Variants in CNTNAP2 observed in about 807,000 individuals in gnomAD.
The protein encoded by CNTNAP2 is contactin-associated protein-like 2.
A neutral mutation model predicts 155.2 loss-of-function variants in CNTNAP2; 98 were observed. The ratio of observed to expected loss-of-function variants is 0.63; its 90% CI spans 0.54 to 0.75. CNTNAP2 has a LOEUF of 0.75. CNTNAP2 is among the 30% of genes least tolerant of loss of function. The pLI is 0.00. For missense variants in CNTNAP2, 1,727 were observed against 1,688.1 expected (o/e 1.02, Z -0.40); for synonymous variants, 651 against 631.2 (o/e 1.03, Z -0.47).
intron 10 of CNTNAP2, among the ~76,000 whole-genome samples, chr7:147,427,399 T>C (rs886436611): frequency 3.3e-5 from 5 of 152,054 alleles, no homozygotes; most frequent in Non-Finnish European, 7.4e-5. Context: ...TTTCAACAGA[T>C]AGAGATAAGA....
chr7:147,915,413 A>G (rs959544699), intron 14 of CNTNAP2, among the ~76,000 whole-genome samples: 2 of 152,206 alleles, frequency 1.3e-5, no homozygotes, highest in Non-Finnish European at 2.9e-5. Flanking sequence ...ATCACTTGAC[A>G]TCCCAATACT....
chr7:147,572,181 T>A (rs1290545690), intron 12 of CNTNAP2, among the ~76,000 whole-genome samples: 1 of 131,368 alleles, frequency 7.6e-6, no homozygotes, highest in Non-Finnish European at 1.7e-5. Context: ...CCTTCTGGAT[T>A]CAGCCTCATT....
At chr7:146,911,250 A>T (rs1183378988) in intron 3 of CNTNAP2, among the ~76,000 whole-genome samples, 42 of 152,184 alleles carry the variant, frequency 2.8e-4, no homozygotes, top group African/African-American at 3.6e-4. Context: ...CAGTGTGGTG[A>T]TTCCTCAGGG....
At chr7:146,182,089 G>T (rs1327569289) in intron 1 of CNTNAP2, among the ~76,000 whole-genome samples, 2 of 151,714 alleles carry the variant, frequency 1.3e-5, no homozygotes, top group African/African-American at 2.4e-5. Context: ...AAATAATGTA[G>T]AAACAATACT....
chr7:146,842,167 G>A lies in CNTNAP2; in HGVS notation c.402+2263G>A, dbSNP rs567477941. On this transcript the variant is annotated intron_variant, in intron 3 of 23. Coordinates refer to ENST00000361727, the MANE Select transcript of CNTNAP2 (RefSeq NM_014141.6). ...CTCTCAAAGTGCTGGGATTCCAGGC[G>A]TGAGCCACTGCACCTGGCCTTGGAC... Among the ~76,000 whole-genome samples the A allele has an allele frequency of 9.2e-5, 14 of 152,132 alleles. No individual in the cohort carries two copies. In the East Asian group the frequency reaches 2.3e-3, roughly 25 times the overall value.
At chr7:148,289,766 C>T (rs972410020) in intron 21 of CNTNAP2, among the ~76,000 whole-genome samples, 4 of 152,188 alleles carry the variant, frequency 2.6e-5, no homozygotes, top group South Asian at 2.1e-4. Context: ...AGTCCCTCAC[C>T]TCTTTACAGG....
chr7:146,409,266 T>G (rs185695166), intron 1 of CNTNAP2, among the ~76,000 whole-genome samples: 4 of 152,302 alleles, frequency 2.6e-5, no homozygotes, highest in African/African-American at 9.6e-5. Flanking sequence ...GCTAATAAGA[T>G]GACACCTTTT....
chr7:147,774,220 T>A (rs1223650256), intron 13 of CNTNAP2, among the ~76,000 whole-genome samples: 2 of 152,190 alleles, frequency 1.3e-5, no homozygotes, highest in East Asian at 1.9e-4. Flanking sequence ...GAGAGTAAGC[T>A]CCATGTGGAA....
At chr7:146,989,578 GTTTTC>G (rs1389791763) in intron 3 of CNTNAP2, among the ~76,000 whole-genome samples, 1 of 152,082 alleles carries the variant, frequency 6.6e-6, no homozygotes, top group Non-Finnish European at 1.5e-5. Context: ...ATCAGATCTT[GTTTTC>G]TTCATGATTT....
intron 13 of CNTNAP2, among the ~76,000 whole-genome samples, chr7:147,874,999 C>A (rs953804716): frequency 4.6e-5 from 7 of 152,178 alleles, no homozygotes; most frequent in African/African-American, 1.7e-4. Flanking sequence ...TTGTCCATAT[C>A]ACTATCAGCA....
intron 9 of CNTNAP2, among the ~76,000 whole-genome samples, chr7:147,302,943 T>G (rs564225493): frequency 2.6e-5 from 4 of 152,344 alleles, no homozygotes; most frequent in Admixed American, 1.3e-4. Context: ...GTCCCAGCTC[T>G]CTAACTTGCT....
Position 147,096,024 on chromosome 7 carries a change from C to T in CNTNAP2, c.551-12123C>T, listed in dbSNP as rs548645034. Among the ~76,000 whole-genome samples, 60 of 152,220 alleles carry T rather than the reference C, an allele frequency of 3.9e-4. No individual in the cohort carries two copies. In the South Asian group the frequency reaches 1.0e-2, roughly 25 times the overall value. ...TAACATTTGTTTTTTCTTAACCATG[C>T]TCTCTCTATTGATTTAGCATTAATC... On this transcript the variant is annotated intron_variant, in intron 4 of 23. Coordinates refer to ENST00000361727, the MANE Select transcript of CNTNAP2 (RefSeq NM_014141.6).
chr7:147,571,618 T>A (rs1208541357), intron 12 of CNTNAP2, among the ~76,000 whole-genome samples: 1 of 152,034 alleles, frequency 6.6e-6, no homozygotes, highest in African/African-American at 2.4e-5. Context: ...GTAACAATGA[T>A]CGTAGTGTCT....
intron 13 of CNTNAP2, among the ~76,000 whole-genome samples, chr7:147,882,046 G>T (rs977051555): frequency 6.6e-6 from 1 of 151,852 alleles, no homozygotes; most frequent in African/African-American, 2.4e-5. Context: ...TTCTGTTACC[G>T]AGAAGAGGTG....
chr7:146,465,030 T>G (rs1261406450), intron 1 of CNTNAP2, among the ~76,000 whole-genome samples: 1 of 152,112 alleles, frequency 6.6e-6, no homozygotes, highest in Non-Finnish European at 1.5e-5. Flanking sequence ...TTTTGTGATT[T>G]GTTCAGTTAG....
intron 1 of CNTNAP2, among the ~76,000 whole-genome samples, chr7:146,267,139 A>G (rs1800006325): frequency 6.6e-6 from 1 of 152,200 alleles, no homozygotes. Context: ...CATGTCTGAT[A>G]CGGATTTTCT....
chr7:148,119,694 A>G (rs1804558940), intron 16 of CNTNAP2, among the ~76,000 whole-genome samples: 1 of 152,240 alleles, frequency 6.6e-6, no homozygotes, highest in African/African-American at 2.4e-5. Context: ...ACCGTCAGGT[A>G]AATTGCTCAA....
intron 1 of CNTNAP2, among the ~76,000 whole-genome samples, chr7:146,224,163 C>A (rs116242597): frequency 0.014 from 2,110 of 152,218 alleles, 55 homozygotes; most frequent in African/African-American, 0.048. Flanking sequence ...TAAGTACATT[C>A]ATTATTTTGA....
intron 1 of CNTNAP2, among the ~76,000 whole-genome samples, chr7:146,719,150 A>T (rs1801241726): frequency 6.6e-6 from 1 of 152,124 alleles, no homozygotes; most frequent in Admixed American, 6.6e-5. Flanking sequence ...TTGTTCTATG[A>T]CTTTTCAATT....
Sources: allele counts gnomAD v4.1 joint callset (sites outside exome capture counted in the v4.1 genomes callset), GRCh38; gene constraint gnomAD v4.1.1; transcripts MANE v1.5; gene names NCBI Gene and HGNC (gene_info 2026-07-23, HGNC 2026-07-21).